Variants in ITGB8 observed in about 807,000 individuals in gnomAD.
ITGB8 encodes the protein integrin beta-8.
A neutral mutation model predicts 89.5 loss-of-function variants in ITGB8; 30 were observed. That is an observed-to-expected ratio of 0.34 (90% CI 0.25 to 0.45). The LOEUF (loss-of-function observed/expected upper bound fraction) is 0.45, where lower values mean the gene tolerates loss of function less well. ITGB8 is among the 20% of genes least tolerant of loss of function. The pLI, the probability that ITGB8 is intolerant of heterozygous loss-of-function variation, is 1.00. For missense variants in ITGB8, 836 were observed against 933.3 expected (o/e 0.90, Z 1.36); for synonymous variants, 335 against 320.4 (o/e 1.05, Z -0.49).
chr7:20,410,285 G>A lies in ITGB8; in HGVS notation c.*288G>A, dbSNP rs1787713182. The A allele has an allele frequency of 3.0e-6, 1 of 330,338 alleles. No homozygotes were observed. Among genetic ancestry groups the A allele is most frequent in the East Asian group, 7.6e-5 (1 of 13,170 alleles). The allele number at this position is 330,338 out of a possible 1,614,324, so 20.5% of individuals were successfully genotyped here. A position where few individuals can be genotyped will look rare whatever the true frequency, so the allele number is the denominator to read the frequency against. ...CAGCATAGAATGTAGATCCTCTGAAGAGCACTGATTACACTTTACAGGTAC... is the reference window on the plus strand; with the variant it reads ...CAGCATAGAATGTAGATCCTCTGAAAAGCACTGATTACACTTTACAGGTAC... On this transcript the variant is annotated 3_prime_UTR_variant, in exon 14 of 14. Transcript: ENST00000222573.
chr7:20,345,583 A>T (rs117287663), intron 1 of ITGB8, among the ~76,000 whole-genome samples: 2,908 of 152,202 alleles, frequency 0.019, 50 homozygotes, highest in Non-Finnish European at 0.028. Flanking sequence ...CTTGTGGATA[A>T]CTGGAGAAAG....
intron 6 of ITGB8, among the ~76,000 whole-genome samples, chr7:20,382,569 C>A (rs962063643): frequency 1.3e-5 from 2 of 152,144 alleles, no homozygotes; most frequent in Non-Finnish European, 2.9e-5. Flanking sequence ...TTTATATATT[C>A]TTGCATATGT....
chr7:20,348,150 T>C (rs1236512564), intron 1 of ITGB8, among the ~76,000 whole-genome samples: 1 of 152,182 alleles, frequency 6.6e-6, no homozygotes, highest in Non-Finnish European at 1.5e-5. Context: ...ATATCTTAAG[T>C]GAGAGGACTT....
chr7:20,359,912 T>C (rs1407613212), intron 1 of ITGB8, among the ~76,000 whole-genome samples: 2 of 152,292 alleles, frequency 1.3e-5, no homozygotes, highest in African/African-American at 4.8e-5. Flanking sequence ...CCAGAAATAA[T>C]GTTTGACACT....
chr7:20,374,487 T>TAAA (rs11452686), intron 3 of ITGB8, among the ~76,000 whole-genome samples: 35 of 141,434 alleles, frequency 2.5e-4, no homozygotes, highest in African/African-American at 7.7e-4. Context: ...TCTTAGCTGC[T>TAAA]AAAAAAAAAA....
At chr7:20,360,939 GT>G (rs1258496300) in intron 1 of ITGB8, among the ~76,000 whole-genome samples, 1 of 117,624 alleles carries the variant, frequency 8.5e-6, no homozygotes, top group Non-Finnish European at 1.7e-5. Flanking sequence ...TTTTTTTGGA[GT>G]TTTTTCAATT....
chr7:20,346,929 T>G, intron 1 of ITGB8: 1 of 820,412 alleles, frequency 1.2e-6, no homozygotes, highest in Non-Finnish European at 1.5e-6. Context: ...ATTCATGTGT[T>G]GAAATCTAAT....
At chr7:20,378,900 A>G (rs1786261597) in intron 3 of ITGB8, 151 bp from the exon 4 acceptor site, 1 of 305,930 alleles carries the variant, frequency 3.3e-6, no homozygotes, top group Non-Finnish European at 5.8e-6. Flanking sequence ...TAATTATACT[A>G]TAATTATTAT....
chr7:20,389,111 GAATGATATAT>G (rs1248602844), intron 6 of ITGB8, among the ~76,000 whole-genome samples: 1 of 152,122 alleles, frequency 6.6e-6, no homozygotes, highest in Non-Finnish European at 1.5e-5. Flanking sequence ...CTTTATAGTA[GAATGATATAT>G]AATCCTTTGG....
At chr7:20,409,582 T>G in intron 12 of ITGB8, 33 bp from the exon 13 acceptor site, 1 of 1,492,688 alleles carries the variant, frequency 6.7e-7, no homozygotes, top group South Asian at 1.2e-5. Context: ...TTATTCCAAT[T>G]TTTAATCCAT....
chr7:20,348,812 G>A (rs969528168), intron 1 of ITGB8, among the ~76,000 whole-genome samples: 4 of 152,228 alleles, frequency 2.6e-5, no homozygotes, highest in African/African-American at 9.6e-5. Context: ...TAAGTAGCCA[G>A]TGGGAACAAG....
chr7:20,395,111 A>C (rs1787017028), intron 8 of ITGB8, 126 bp downstream of exon 8: 1 of 599,608 alleles, frequency 1.7e-6, no homozygotes, highest in African/African-American at 1.8e-5. Flanking sequence ...GGAATTAGGA[A>C]TCTGAAGTTC....
intron 1 of ITGB8, among the ~76,000 whole-genome samples, chr7:20,335,567 A>C (rs1406710460): frequency 6.6e-6 from 1 of 152,236 alleles, no homozygotes; most frequent in African/African-American, 2.4e-5. Flanking sequence ...TATCATTTAA[A>C]GCAATATCCA....
chr7:20,336,844 G>C (rs936009684), intron 1 of ITGB8, among the ~76,000 whole-genome samples: 2 of 152,192 alleles, frequency 1.3e-5, no homozygotes, highest in Admixed American at 6.5e-5. Flanking sequence ...AGTATCTGGA[G>C]TAAATGACCC....
intron 1 of ITGB8, chr7:20,353,220 T>A (rs991072042): frequency 6.6e-6 from 1 of 152,260 alleles, no homozygotes; most frequent in Admixed American, 6.5e-5. Context: ...TTGTTTGTTT[T>A]TCTTTTGCTC....
At chr7:20,363,588 C>T (rs375454435) in intron 1 of ITGB8, 49 bp from the exon 2 acceptor site, 224 of 1,118,480 alleles carry the variant, frequency 2.0e-4, no homozygotes, top group Non-Finnish European at 2.6e-4. Context: ...GAATTATATA[C>T]GCTTTCTATT....
At chr7:20,345,035 G>C (rs749989195) in intron 1 of ITGB8, among the ~76,000 whole-genome samples, 3 of 152,154 alleles carry the variant, frequency 2.0e-5, no homozygotes, top group Non-Finnish European at 4.4e-5. Flanking sequence ...AGCACCTTCT[G>C]TAGAGAGAAA....
In ITGB8 at chr7:20,387,730, C is replaced by A. The variant is rs145734441; in HGVS notation, c.961-3673C>A. On this transcript the variant is annotated intron_variant, in intron 6 of 13. Transcript: ENST00000222573. ...CCCCTTTGTCAAATAAAAAATATAT[C>A]CAGCCCAAACTGTCAATAGCACTAC... 1.6e-4 allele frequency among the ~76,000 whole-genome samples: 25 copies of A among 152,242 alleles called. No individual in the cohort carries two copies. In the East Asian group the frequency reaches 2.9e-3, roughly 18 times the overall value.
intron 1 of ITGB8, among the ~76,000 whole-genome samples, chr7:20,337,457 G>A (rs79107042): frequency 0.14 from 20,550 of 151,692 alleles, 1,581 homozygotes; most frequent in East Asian, 0.34. Flanking sequence ...AAATAACAAC[G>A]ATTAAGTTTT....
Sources: allele counts gnomAD v4.1 joint callset (sites outside exome capture counted in the v4.1 genomes callset), GRCh38; gene constraint gnomAD v4.1.1; transcripts MANE v1.5; gene names NCBI Gene and HGNC (gene_info 2026-07-23, HGNC 2026-07-21).